Variants in RIMS1 observed in about 807,000 individuals in gnomAD.
The protein encoded by RIMS1 is regulating synaptic membrane exocytosis 1.
A neutral mutation model predicts 214.1 loss-of-function variants in RIMS1; 83 were observed. That is an observed-to-expected ratio of 0.39 (90% CI 0.32 to 0.47). RIMS1 has a LOEUF of 0.47. RIMS1 is among the 20% of genes least tolerant of loss of function. The pLI, the probability that RIMS1 is intolerant of heterozygous loss-of-function variation, is 0.99. For missense variants in RIMS1, 2,050 were observed against 2,161.8 expected (o/e 0.95, Z 1.03); for synonymous variants, 793 against 786.8 (o/e 1.01, Z -0.13).
intron 4 of RIMS1, among the ~76,000 whole-genome samples, chr6:72,149,482 G>A (rs568735763): frequency 6.6e-6 from 1 of 151,996 alleles, no homozygotes; most frequent in African/African-American, 2.4e-5. Flanking sequence ...ACAGCTAGAC[G>A]TCTGTGAAGG....
intron 28 of RIMS1, among the ~76,000 whole-genome samples, chr6:72,328,962 T>C (rs1303495691): frequency 6.6e-6 from 1 of 151,820 alleles, no homozygotes; most frequent in South Asian, 2.1e-4. Context: ...TGGGAAAGTA[T>C]TATTAGTCAT....
intron 4 of RIMS1, among the ~76,000 whole-genome samples, chr6:72,157,135 C>CAGAATGTCCATGAT (rs1297639250): frequency 7.1e-6 from 1 of 140,786 alleles, no homozygotes; most frequent in Non-Finnish European, 1.6e-5. Flanking sequence ...TCTTTGTCTT[C>CAGAATGTCCATGAT]AGAATGTCCA....
intron 4 of RIMS1, among the ~76,000 whole-genome samples, chr6:72,131,171 A>G (rs920216256): frequency 5.3e-4 from 80 of 152,160 alleles, no homozygotes; most frequent in African/African-American, 1.8e-3. Context: ...ATTAATCTTC[A>G]TTCTTCAACA....
chr6:72,200,629 A>G (rs1259223544), intron 6 of RIMS1, among the ~76,000 whole-genome samples: 1 of 152,208 alleles, frequency 6.6e-6, no homozygotes, highest in Non-Finnish European at 1.5e-5. Flanking sequence ...GAGAATAGGC[A>G]TAAAACAGAA....
At chr6:72,113,758 C>T (rs1211430253) in intron 4 of RIMS1, among the ~76,000 whole-genome samples, 1 of 151,948 alleles carries the variant, frequency 6.6e-6, no homozygotes. Context: ...TAGTGAAATT[C>T]AGTGAGTTTG....
At chr6:71,957,161 G>A (rs1229012055) in intron 1 of RIMS1, among the ~76,000 whole-genome samples, 1 of 152,108 alleles carries the variant, frequency 6.6e-6, no homozygotes, top group Non-Finnish European at 1.5e-5. Context: ...CTTCTCTAGA[G>A]TAATTAGGTC....
intron 29 of RIMS1, among the ~76,000 whole-genome samples, chr6:72,344,754 C>T (rs564901839): frequency 1.3e-4 from 20 of 151,810 alleles, no homozygotes; most frequent in African/African-American, 4.3e-4. Context: ...GCTAAAGTAA[C>T]TCATCTTCTA....
chr6:71,898,811 GA>G (rs1772675495), intron 1 of RIMS1, among the ~76,000 whole-genome samples: 2 of 152,256 alleles, frequency 1.3e-5, no homozygotes, highest in South Asian at 4.1e-4. Flanking sequence ...ATTACTGAGA[GA>G]GCTAGGGATA....
intron 1 of RIMS1, among the ~76,000 whole-genome samples, chr6:71,889,388 C>T (rs141632189): frequency 2.7e-4 from 41 of 152,272 alleles, no homozygotes; most frequent in Middle Eastern, 3.4e-3. Flanking sequence ...ACATCTTTTC[C>T]GCTGCTTTTC....
intron 7 of RIMS1, among the ~76,000 whole-genome samples, chr6:72,234,082 A>G (rs2063114447): frequency 6.6e-6 from 1 of 152,004 alleles, no homozygotes; most frequent in African/African-American, 2.4e-5. Flanking sequence ...TTGGTTATGG[A>G]TATTGACATT....
chr6:72,369,783 A>C (rs2098158485), intron 29 of RIMS1, among the ~76,000 whole-genome samples: 1 of 152,198 alleles, frequency 6.6e-6, no homozygotes, highest in Non-Finnish European at 1.5e-5. Context: ...GAAAACCCCA[A>C]AGTATTGTAA....
intron 1 of RIMS1, among the ~76,000 whole-genome samples, chr6:71,897,727 G>A (rs1222828435): frequency 6.6e-6 from 1 of 152,004 alleles, no homozygotes; most frequent in Non-Finnish European, 1.5e-5. Context: ...CATAAATTCT[G>A]GAAAGGAGGA....
chr6:72,251,077 T>C lies in RIMS1; in HGVS notation c.2529T>C (p.Ser843=), dbSNP rs759237918. 16 of 1,583,078 alleles carry C rather than the reference T, an allele frequency of 1.0e-5. No homozygotes were observed. Among genetic ancestry groups the C allele is most frequent in the Middle Eastern group, 1.7e-4 (1 of 6,016 alleles). Reference sequence around the variant, plus strand: ...AACCAAGAGTGCAAGAAGAAGAAAGTGAATTTCTTGGAGAGGTGATGTATA... The same window carrying C: ...AACCAAGAGTGCAAGAAGAAGAAAGCGAATTTCTTGGAGAGGTGATGTATA... The part of the protein sequence containing the change: ...WDQPRVQEEE[S]EFLGEILIEL... Residue 843 remains serine (S), a synonymous_variant, in exon 14 of 34, where the codon AGT becomes AGC. Coordinates refer to ENST00000521978, the MANE Select transcript of RIMS1 (RefSeq NM_014989.7).
chr6:72,283,710 C>G (rs1247354021), intron 23 of RIMS1, among the ~76,000 whole-genome samples: 1 of 152,120 alleles, frequency 6.6e-6, no homozygotes, highest in Non-Finnish European at 1.5e-5. Flanking sequence ...TATTACACTT[C>G]ACCATTGCAT....
chr6:72,379,009 G>A (rs1351303384), intron 29 of RIMS1, among the ~76,000 whole-genome samples: 2 of 152,146 alleles, frequency 1.3e-5, no homozygotes, highest in Non-Finnish European at 2.9e-5. Flanking sequence ...ATTAGAAGAG[G>A]AGCCTTATTC....
chr6:72,122,194 C>T (rs2038501333), intron 4 of RIMS1, among the ~76,000 whole-genome samples: 1 of 137,922 alleles, frequency 7.3e-6, no homozygotes, highest in Non-Finnish European at 1.5e-5. Context: ...AGGATTCCCT[C>T]TTTTCCTTTT....
At chr6:72,016,567 G>T (rs1488459675) in intron 2 of RIMS1, among the ~76,000 whole-genome samples, 1 of 152,130 alleles carries the variant, frequency 6.6e-6, no homozygotes, top group East Asian at 1.9e-4. Flanking sequence ...TTGAATAATT[G>T]CTCCTTGGAT....
At chr6:72,392,953 T>A in intron 31 of RIMS1, 143 bp downstream of exon 31, 4 of 631,864 alleles carry the variant, frequency 6.3e-6, no homozygotes, top group Non-Finnish European at 1.1e-5. Context: ...ACAACTATTC[T>A]AATTTCAAGT....
At chr6:72,272,064 A>G (rs1199815818) in intron 22 of RIMS1, among the ~76,000 whole-genome samples, 1 of 152,172 alleles carries the variant, frequency 6.6e-6, no homozygotes, top group Non-Finnish European at 1.5e-5. Context: ...TAAGCAATGA[A>G]CTTTTAGGTA....
Sources: gnomAD v4.1 joint callset for allele counts (sites outside exome capture counted in the v4.1 genomes callset) on GRCh38, gnomAD v4.1.1 for gene constraint, MANE v1.5 for transcripts, NCBI Gene and HGNC (gene_info 2026-07-23, HGNC 2026-07-21) for gene names.